Variants in RBM47 observed in about 807,000 individuals in gnomAD.
The protein encoded by RBM47 is RNA-binding protein 47.
A neutral mutation model predicts 47.1 loss-of-function variants in RBM47; 21 were observed. That is an observed-to-expected ratio of 0.45 (90% CI 0.32 to 0.64). The LOEUF is 0.64. RBM47 is among the 30% of genes least tolerant of loss of function. RBM47 has a pLI of 0.05. For missense variants in RBM47, 708 were observed against 870.9 expected (o/e 0.81, Z 2.35); for synonymous variants, 375 against 361.7 (o/e 1.04, Z -0.42).
chr4:40,443,296 G>A (rs543309828), intron 3 of RBM47, among the ~76,000 whole-genome samples: 2 of 151,808 alleles, frequency 1.3e-5, no homozygotes, highest in Non-Finnish European at 2.9e-5. Context: ...ACTTAAAAAT[G>A]GTAAAATGTT....
At chr4:40,462,862 A>C (rs528925622) in intron 3 of RBM47, among the ~76,000 whole-genome samples, 1 of 152,212 alleles carries the variant, frequency 6.6e-6, no homozygotes, top group Non-Finnish European at 1.5e-5. Flanking sequence ...AAGAAAATAC[A>C]GGGGCAAACT....
At chr4:40,447,507 C>T (rs1403285427) in intron 3 of RBM47, among the ~76,000 whole-genome samples, 2 of 152,200 alleles carry the variant, frequency 1.3e-5, no homozygotes, top group Admixed American at 6.5e-5. Context: ...TACCAGTGTA[C>T]TACTGGGAAA....
intron 2 of RBM47, among the ~76,000 whole-genome samples, chr4:40,491,087 C>T (rs6828847): frequency 0.027 from 4,116 of 151,846 alleles, 189 homozygotes; most frequent in African/African-American, 0.095. Flanking sequence ...CCATAAGGTG[C>T]GGGGAGGGTG....
At chr4:40,508,077 G>C (rs1294474118) in intron 2 of RBM47, among the ~76,000 whole-genome samples, 1 of 152,132 alleles carries the variant, frequency 6.6e-6, no homozygotes, top group East Asian at 1.9e-4. Flanking sequence ...AAAAAGAAAA[G>C]AAAAGTCTGC....
chr4:40,624,901 G>C lies in RBM47; in HGVS notation c.-240+4495C>G, dbSNP rs569210509. ...TTTTTTGTTGTTGTTGCCCAGGCTG[G>C]AGTGCAGTGGCGCGATCAGCTCACT... On this transcript the variant is annotated intron_variant, in intron 1 of 6. Transcript: ENST00000295971. Among the ~76,000 whole-genome samples the C allele has an allele frequency of 3.0e-3, 10 of 3,312 alleles. No individual in the cohort carries two copies. The East Asian group carries it at 0.071, about 24-fold the overall frequency. 2.2% of individuals were successfully genotyped at this position (3,312 alleles called of 152,430 possible).
upstream of RBM47, chr4:40,630,616 G>C (rs1738138718): frequency 6.6e-6 from 1 of 152,126 alleles, no homozygotes; most frequent in African/African-American, 2.4e-5. Context: ...GAGTTACGGA[G>C]GGTTTCTAGA....
intron 3 of RBM47, among the ~76,000 whole-genome samples, chr4:40,447,867 C>T (rs1024480231): frequency 2.6e-5 from 4 of 152,136 alleles, no homozygotes; most frequent in Admixed American, 6.6e-5. Flanking sequence ...AAAAATTAGC[C>T]GGGCATGGTG....
At chr4:40,474,847 T>C (rs1305177665) in intron 2 of RBM47, among the ~76,000 whole-genome samples, 1 of 152,178 alleles carries the variant, frequency 6.6e-6, no homozygotes, top group Non-Finnish European at 1.5e-5. Context: ...TTCTCACATA[T>C]ACATTTTGTT....
At chr4:40,557,685 G>A (rs1730233067) in intron 1 of RBM47, among the ~76,000 whole-genome samples, 1 of 152,094 alleles carries the variant, frequency 6.6e-6, no homozygotes, top group African/African-American at 2.4e-5. Flanking sequence ...GGAGGCGGAG[G>A]TTGCAGTGAG....
intron 1 of RBM47, among the ~76,000 whole-genome samples, chr4:40,608,043 A>C (rs1393561398): frequency 6.6e-6 from 1 of 152,126 alleles, no homozygotes; most frequent in African/African-American, 2.4e-5. Flanking sequence ...TGGAGGTTGC[A>C]GTGAGCTGAG....
intron 2 of RBM47, among the ~76,000 whole-genome samples, chr4:40,526,817 T>TGG: frequency 1.1e-5 from 1 of 94,848 alleles, no homozygotes; most frequent in African/African-American, 4.4e-5. Context: ...TTTTTTTTTT[T>TGG]GCAACCTTTT....
intron 2 of RBM47, among the ~76,000 whole-genome samples, chr4:40,512,050 G>GT (rs1160214143): frequency 3.3e-5 from 5 of 152,088 alleles, no homozygotes; most frequent in Non-Finnish European, 7.4e-5. Context: ...GAAATGGTTT[G>GT]TTTTTAGATT....
chr4:40,446,738 C>CAAAAA (rs34186378), intron 3 of RBM47, among the ~76,000 whole-genome samples: 1 of 76,308 alleles, frequency 1.3e-5, no homozygotes, highest in African/African-American at 6.0e-5. Flanking sequence ...GACCCAGTCT[C>CAAAAA]AAAAAAAAAA....
At chr4:40,620,845 T>C (rs1737203716) in intron 1 of RBM47, among the ~76,000 whole-genome samples, 1 of 152,166 alleles carries the variant, frequency 6.6e-6, no homozygotes, top group Non-Finnish European at 1.5e-5. Context: ...CCCTATTCAT[T>C]TCTAATGTCC....
rs1172791380 is a variant in RBM47 at position 40,624,860 on chromosome 4, CTTT to C, written c.-240+4533_-240+4535del. ...TTAAGCCATCTTTTCTTTTCTTTTTCTTTTTTTTTTTTTTTTTTTTTGTTGTTG... is the reference window on the plus strand; with the variant it reads ...TTAAGCCATCTTTTCTTTTCTTTTTCTTTTTTTTTTTTTTTTTTGTTGTTG... On this transcript the variant is annotated intron_variant, in intron 1 of 6. Transcript: ENST00000295971. Among the ~76,000 whole-genome samples the C allele has an allele frequency of 5.2e-3, 617 of 119,608 alleles. 10 individuals are homozygous for C. Among genetic ancestry groups the C allele is most frequent in the Admixed American group, 0.046 (504 of 10,986 alleles). 78.5% of individuals were successfully genotyped at this position (119,608 alleles called of 152,430 possible).
At chr4:40,528,955 AATAAATAAAT>A (rs1727065748) in intron 2 of RBM47, among the ~76,000 whole-genome samples, 1 of 146,918 alleles carries the variant, frequency 6.8e-6, no homozygotes, top group African/African-American at 2.5e-5. Context: ...AAAAAAAATA[AATAAATAAAT>A]AAATAAATAA....
At chr4:40,497,470 G>T (rs28541796) in intron 2 of RBM47, among the ~76,000 whole-genome samples, 10,075 of 151,276 alleles carry the variant, frequency 0.067, 481 homozygotes, top group East Asian at 0.18. Context: ...AATTAAAAAT[G>T]AGTTGAGCGT....
intron 2 of RBM47, among the ~76,000 whole-genome samples, chr4:40,500,185 T>C (rs1053384045): frequency 2.0e-5 from 3 of 152,012 alleles, no homozygotes; most frequent in African/African-American, 7.2e-5. Flanking sequence ...TGGTGGTGCA[T>C]GCCTGTAATC....
At chr4:40,513,554 T>G (rs1049000526) in intron 2 of RBM47, among the ~76,000 whole-genome samples, 1 of 152,156 alleles carries the variant, frequency 6.6e-6, no homozygotes, top group Non-Finnish European at 1.5e-5. Context: ...TTATTATATT[T>G]TCTACCCACC....
Sources: allele counts gnomAD v4.1 joint callset (sites outside exome capture counted in the v4.1 genomes callset), GRCh38; gene constraint gnomAD v4.1.1; transcripts MANE v1.5; gene names NCBI Gene and HGNC (gene_info 2026-07-23, HGNC 2026-07-21).